COA1: variants seen among roughly 807,000 people sequenced by gnomAD.
COA1 encodes the protein cytochrome c oxidase assembly factor 1 homolog.
COA1 carries 13 observed loss-of-function variants against 16.0 expected under a neutral mutation model. The ratio of observed to expected loss-of-function variants is 0.81; its 90% CI spans 0.53 to 1.29. COA1 has a LOEUF of 1.29. COA1 is among the 50% of genes most tolerant of loss of function. The pLI, the probability that COA1 is intolerant of heterozygous loss-of-function variation, is 0.00. For missense variants in COA1, 179 were observed against 177.0 expected, an observed-to-expected ratio of 1.01 and a Z score of -0.06; for synonymous variants, 65 against 65.7, an observed-to-expected ratio of 0.99 and a Z score of 0.05.
At chr7:43,693,087 C>A (rs2094426721) in intron 1 of COA1, among the ~76,000 whole-genome samples, 1 of 152,160 alleles carries the variant, frequency 6.6e-6, no homozygotes, top group East Asian at 1.9e-4. Flanking sequence ...GAGCCACTTC[C>A]AACTGAAACC....
At chr7:43,691,423 AAGAAAG>A (rs1420898947) in intron 1 of COA1, among the ~76,000 whole-genome samples, 3 of 26,270 alleles carry the variant, frequency 1.1e-4, no homozygotes, top group East Asian at 3.8e-3. Context: ...AAGAAAGAAA[AAGAAAG>A]AAAGAAAGAA....
At chr7:43,676,533 TA>T (rs2093525958) in intron 1 of COA1, among the ~76,000 whole-genome samples, 1 of 152,110 alleles carries the variant, frequency 6.6e-6, no homozygotes, top group Non-Finnish European at 1.5e-5. Context: ...GTGCAGAAGC[TA>T]AAAAAAGTTG....
At chr7:43,695,859 T>C (rs1163572787) in intron 1 of COA1, among the ~76,000 whole-genome samples, 1 of 152,192 alleles carries the variant, frequency 6.6e-6, no homozygotes, top group Non-Finnish European at 1.5e-5. Context: ...TCTGCATATA[T>C]ATCCTAGACC....
At chr7:43,620,510 C>A (rs2083772495) in intron 6 of COA1, among the ~76,000 whole-genome samples, 1 of 151,998 alleles carries the variant, frequency 6.6e-6, no homozygotes, top group Non-Finnish European at 1.5e-5. Flanking sequence ...CCCGTCTCTA[C>A]TAAAAATACA....
chr7:43,691,283 AAGAAAGAAAGAAAGAAAG>A (rs1265496427), intron 1 of COA1, among the ~76,000 whole-genome samples: 808 of 53,308 alleles, frequency 0.015, 39 homozygotes, highest in African/African-American at 0.042. Context: ...GAAAGAAAGA[AAGAAAGAAAGAAAGAAAG>A]AAAGAAAGAA....
chr7:43,609,898 A>G (rs1269195130), intron 6 of COA1, among the ~76,000 whole-genome samples: 2 of 152,198 alleles, frequency 1.3e-5, no homozygotes, highest in Non-Finnish European at 2.9e-5. Flanking sequence ...CAGAAAGTAG[A>G]TGCTTAATGG....
At chr7:43,610,100 ACTTT>A (rs2082715027) in intron 6 of COA1, among the ~76,000 whole-genome samples, 1 of 152,156 alleles carries the variant, frequency 6.6e-6, no homozygotes, top group Non-Finnish European at 1.5e-5. Flanking sequence ...TAATCCCAGC[ACTTT>A]GGGAGGCCGA....
chr7:43,642,496 G>C (rs1332900209), intron 4 of COA1, among the ~76,000 whole-genome samples: 1 of 152,092 alleles, frequency 6.6e-6, no homozygotes, highest in Non-Finnish European at 1.5e-5. Context: ...CCCACTGTTT[G>C]AGTCAAGCTA....
intron 6 of COA1, among the ~76,000 whole-genome samples, chr7:43,616,431 G>C (rs78776011): frequency 6.6e-6 from 1 of 152,248 alleles, no homozygotes; most frequent in East Asian, 1.9e-4. Flanking sequence ...ATATAAATGT[G>C]TGGTAGGCAC....
chr7:43,642,808 A>G (rs986342828), intron 4 of COA1, among the ~76,000 whole-genome samples: 2 of 152,236 alleles, frequency 1.3e-5, no homozygotes. Flanking sequence ...TACTTGGGAA[A>G]AAATCCCAAT....
chr7:43,683,542 G>A (rs1485095262), intron 1 of COA1, among the ~76,000 whole-genome samples: 1 of 152,078 alleles, frequency 6.6e-6, no homozygotes, highest in East Asian at 1.9e-4. Flanking sequence ...TCTGAGGCAG[G>A]AGAATGGCAT....
At chr7:43,672,202 A>T (rs977197583) in intron 1 of COA1, among the ~76,000 whole-genome samples, 1 of 152,096 alleles carries the variant, frequency 6.6e-6, no homozygotes, top group African/African-American at 2.4e-5. Flanking sequence ...CTGATACCAA[A>T]ATCTGGCAGA....
chr7:43,657,556 C>T (rs536296523), intron 1 of COA1, among the ~76,000 whole-genome samples: 3 of 152,204 alleles, frequency 2.0e-5, no homozygotes, highest in South Asian at 2.1e-4. Flanking sequence ...CAAAACCAGG[C>T]GCCGTGCTAG....
intron 1 of COA1, chr7:43,658,663 T>A (rs764435752): frequency 3.9e-5 from 6 of 152,166 alleles, no homozygotes; most frequent in Non-Finnish European, 7.3e-5. Context: ...GGAAATGCCA[T>A]GTGAAGACTC....
chr7:43,680,620 T>C (rs1460582831), intron 1 of COA1, among the ~76,000 whole-genome samples: 2 of 152,232 alleles, frequency 1.3e-5, no homozygotes, highest in Non-Finnish European at 2.9e-5. Context: ...AGATTTATTT[T>C]CATTAATTTT....
Position 43,644,799 on chromosome 7 carries a change from CAGAGAG to C in COA1, c.264+446_264+451del, listed in dbSNP as rs10627279. ...GCAGGCAGGCAGGCAGGCAGAGAGA[CAGAGAG>C]AGAGAGAGAGAGAGAGAGAGAGAGA... On this transcript the variant is annotated intron_variant, in intron 4 of 5. Coordinates refer to ENST00000223336, the MANE Select transcript of COA1 (RefSeq NM_018224.4). 1.2e-3 allele frequency among the ~76,000 whole-genome samples: 94 copies of C among 75,390 alleles called. 2 individuals are homozygous for C. Among genetic ancestry groups the C allele is most frequent in the Middle Eastern group, 6.3e-3 (1 of 158 alleles). 49.5% of individuals were successfully genotyped at this position (75,390 alleles called of 152,430 possible).
chr7:43,610,571 G>C (rs377268358), intron 6 of COA1, among the ~76,000 whole-genome samples: 1 of 151,918 alleles, frequency 6.6e-6, no homozygotes, highest in Non-Finnish European at 1.5e-5. Flanking sequence ...AGAGGCTGAG[G>C]GGGGAGAATC....
Position 43,647,497 on chromosome 7 carries a change from GAGGAGGTCAGGCCGCAGGCGGCTAGC to G in COA1, c.115+12_115+37del, listed in dbSNP as rs2089708949. ...TGATGGAGGAGCAGGAGCAGGCTAG[GAGGAGGTCAGGCCGCAGGCGGCTAGC>G]AGGATACTTACTTTGAATGAGGTAA... is the stretch of plus-strand genomic sequence containing the variant. On this transcript the variant is annotated intron_variant, in intron 3 of 5. Transcript: ENST00000223336. The G allele has an allele frequency of 3.7e-6, 5 of 1,349,284 alleles. No individual in the cohort carries two copies. Among genetic ancestry groups the G allele is most frequent in the African/African-American group, 1.4e-5 (1 of 69,782 alleles). 83.6% of individuals were successfully genotyped at this position (1,349,284 alleles called of 1,614,324 possible). A position where few individuals can be genotyped will look rare whatever the true frequency, so the allele number is the denominator to read the frequency against.
intron 1 of COA1, among the ~76,000 whole-genome samples, chr7:43,692,964 T>C (rs1268227657): frequency 6.6e-6 from 1 of 152,074 alleles, no homozygotes; most frequent in Non-Finnish European, 1.5e-5. Flanking sequence ...TAAAAATAAA[T>C]TATCTATGTC....
Sources: gnomAD v4.1 joint callset for allele counts (sites outside exome capture counted in the v4.1 genomes callset) on GRCh38, gnomAD v4.1.1 for gene constraint, MANE v1.5 for transcripts, NCBI Gene and HGNC (gene_info 2026-07-23, HGNC 2026-07-21) for gene names.